DLC1: variants seen among roughly 807,000 people sequenced by gnomAD.
The protein encoded by DLC1 is rho GTPase-activating protein 7.
DLC1 carries 54 observed loss-of-function variants against 140.3 expected under a neutral mutation model. That is an observed-to-expected ratio of 0.38 (90% CI 0.31 to 0.48). DLC1 has a LOEUF of 0.48. DLC1 is among the 20% of genes least tolerant of loss of function. The pLI is 0.96. For synonymous variants in DLC1, 986 were observed against 728.1 expected, an observed-to-expected ratio of 1.35 and a Z score of -5.70; for missense variants, 2,536 against 1,907.0, an observed-to-expected ratio of 1.33 and a Z score of -6.14.
intron 4 of DLC1, among the ~76,000 whole-genome samples, chr8:13,364,878 A>G (rs1835406230): frequency 6.6e-6 from 1 of 152,222 alleles, no homozygotes. Flanking sequence ...ATAAATTGCC[A>G]ACTAAGAAAC....
rs1311225252 is a variant in DLC1, at chr8:13,084,481, G to A, written c.*1330C>T. 1 of 152,306 alleles carries A rather than the reference G, an allele frequency of 6.6e-6. No individual in the cohort carries two copies. The highest frequency in any genetic ancestry group is 1.9e-4 in the East Asian group (1 of 5,176). 9.4% of individuals were successfully genotyped at this position (152,306 alleles called of 1,614,324 possible). On this transcript the variant is annotated 3_prime_UTR_variant, in exon 18 of 18. Coordinates refer to ENST00000276297, the MANE Select transcript of DLC1 (RefSeq NM_182643.3). ...AATCCTTACCATTACAGTAAAACCT[G>A]AATAAAGACCACCCTTCTAAAGGTT...
chr8:13,582,259 C>T (rs1004017192), intron 1 of DLC1, among the ~76,000 whole-genome samples: 1 of 152,172 alleles, frequency 6.6e-6, no homozygotes, highest in Non-Finnish European at 1.5e-5. Flanking sequence ...ATTTTGCATA[C>T]ACTCTCTTCA....
At position 13,453,517 on chromosome 8, in the gene DLC1, T is replaced by C. The variant is rs1054126994; in HGVS notation, c.1023+45532A>G. ...ATATATATATGTATATATATATACA[T>C]ATATATATATGTATATATATACATA... is the stretch of plus-strand genomic sequence containing the variant. On this transcript the variant is annotated intron_variant, in intron 2 of 17. Coordinates refer to ENST00000276297, the MANE Select transcript of DLC1 (RefSeq NM_182643.3). Among the ~76,000 whole-genome samples, 6 of 26,534 alleles carry C rather than the reference T, an allele frequency of 2.3e-4. 1 individual carries two copies. Among genetic ancestry groups the C allele is most frequent in the South Asian group, 1.2e-3 (1 of 812 alleles). 17.4% of individuals were successfully genotyped at this position (26,534 alleles called of 152,430 possible). A position where few individuals can be genotyped will look rare whatever the true frequency, so the allele number is the denominator to read the frequency against.
intron 2 of DLC1, among the ~76,000 whole-genome samples, chr8:13,475,941 G>A (rs577888513): frequency 7.2e-4 from 109 of 152,162 alleles, no homozygotes; most frequent in African/African-American, 2.3e-3. Context: ...CACATACTTG[G>A]GTCATTATTT....
At chr8:13,153,771 C>G (rs527430760) in intron 5 of DLC1, among the ~76,000 whole-genome samples, 9 of 151,804 alleles carry the variant, frequency 5.9e-5, no homozygotes, top group African/African-American at 1.9e-4. Flanking sequence ...GAGGTAGACA[C>G]AGAATGCCGA....
chr8:13,121,844 G>A (rs893383020), intron 5 of DLC1, among the ~76,000 whole-genome samples: 12 of 151,992 alleles, frequency 7.9e-5, no homozygotes, highest in African/African-American at 2.4e-4. Context: ...TGAACCACCC[G>A]TGCCTGGCCA....
intron 4 of DLC1, among the ~76,000 whole-genome samples, chr8:13,382,306 G>A (rs946198689): frequency 9.9e-5 from 15 of 151,728 alleles, no homozygotes; most frequent in Admixed American, 2.0e-4. Flanking sequence ...AGGAGATCGA[G>A]ACCATCCTGG....
intron 4 of DLC1, among the ~76,000 whole-genome samples, chr8:13,385,903 T>A (rs1836500970): frequency 6.6e-6 from 1 of 152,202 alleles, no homozygotes; most frequent in African/African-American, 2.4e-5. Flanking sequence ...ATTTAATATG[T>A]AATTAGAGCT....
chr8:13,120,851 G>C (rs1229832977), intron 5 of DLC1, among the ~76,000 whole-genome samples: 3 of 152,084 alleles, frequency 2.0e-5, no homozygotes, highest in Non-Finnish European at 2.9e-5. Context: ...ATGACGGGAT[G>C]ATCCTGTCTT....
At chr8:13,300,535 C>G (rs1832147001) in intron 5 of DLC1, among the ~76,000 whole-genome samples, 1 of 152,160 alleles carries the variant, frequency 6.6e-6, no homozygotes, top group African/African-American at 2.4e-5. Flanking sequence ...TTCTCGTCCT[C>G]TTCGTGGCTG....
In DLC1 at chr8:13,464,766, T is replaced by TATATATATA. The variant is rs1563370459; in HGVS notation, c.1023+34282_1023+34283insTATATATAT. ...TTAAATTATATATATATATATATAT[T>TATATATATA]TATATATATATATATATATATATAT... is the stretch of plus-strand genomic sequence containing the variant. On this transcript the variant is annotated intron_variant, in intron 2 of 17. Coordinates refer to ENST00000276297, the MANE Select transcript of DLC1 (RefSeq NM_182643.3). Among the ~76,000 whole-genome samples the TATATATATA allele has an allele frequency of 6.3e-3, 47 of 7,490 alleles. 1 individual carries two copies. Among genetic ancestry groups the TATATATATA allele is most frequent in the South Asian group, 0.011 (4 of 348 alleles). The allele number at this position is 7,490 out of a possible 152,430, so 4.9% of individuals were successfully genotyped here. A position where few individuals can be genotyped will look rare whatever the true frequency, so the allele number is the denominator to read the frequency against.
chr8:13,529,510 C>G (rs1803029346), intron 1 of DLC1, among the ~76,000 whole-genome samples: 1 of 152,058 alleles, frequency 6.6e-6, no homozygotes. Flanking sequence ...TTTGTATATC[C>G]TCTTAACACT....
intron 2 of DLC1, among the ~76,000 whole-genome samples, chr8:13,467,909 C>T (rs550994710): frequency 2.8e-4 from 43 of 152,162 alleles, no homozygotes; most frequent in African/African-American, 1.0e-3. Context: ...CTGGGATAAA[C>T]CCAATTTGGT....
chr8:13,280,300 A>G (rs1382866828), intron 5 of DLC1, among the ~76,000 whole-genome samples: 2 of 151,182 alleles, frequency 1.3e-5, no homozygotes, highest in Non-Finnish European at 3.0e-5. Context: ...AAAAAAAAAA[A>G]AAAAAAAAAA....
Position 13,147,531 on chromosome 8 carries a change from C to T in DLC1, c.1349-31874G>A, listed in dbSNP as rs75920237. On this transcript the variant is annotated intron_variant, in intron 5 of 17. Coordinates refer to ENST00000276297, the MANE Select transcript of DLC1 (RefSeq NM_182643.3). The stretch of plus-strand genomic sequence containing the variant: ...ATCTGCATATTTCACAGTTCTGGAG[C>T]GGGCAGGCACTCTTATCTGGAATTT... 2.4e-4 allele frequency among the ~76,000 whole-genome samples: 37 copies of T among 152,204 alleles called. No homozygotes were observed. In the East Asian group the frequency reaches 4.2e-3, roughly 17 times the overall value.
At chr8:13,087,403 A>G (rs1363017245) in intron 16 of DLC1, among the ~76,000 whole-genome samples, 1 of 152,238 alleles carries the variant, frequency 6.6e-6, no homozygotes, top group South Asian at 2.1e-4. Context: ...CATGTCCCCA[A>G]ATCAATCAAA....
chr8:13,506,518 C>A (rs927299966), intron 1 of DLC1, among the ~76,000 whole-genome samples: 1 of 147,758 alleles, frequency 6.8e-6, no homozygotes, highest in Non-Finnish European at 1.5e-5. Flanking sequence ...TCTCCACCTA[C>A]TGCTTTATAC....
chr8:13,165,759 A>G (rs1019776455), intron 5 of DLC1, among the ~76,000 whole-genome samples: 1 of 152,100 alleles, frequency 6.6e-6, no homozygotes, highest in Non-Finnish European at 1.5e-5. Flanking sequence ...ACCACACATG[A>G]GTGGCAATGA....
At chr8:13,352,906 A>G (rs1388645918) in intron 4 of DLC1, among the ~76,000 whole-genome samples, 2 of 152,164 alleles carry the variant, frequency 1.3e-5, no homozygotes, top group Non-Finnish European at 2.9e-5. Flanking sequence ...TTCTGTGGAG[A>G]GGATAAACAA....
Sources: gnomAD v4.1 joint callset for allele counts (sites outside exome capture counted in the v4.1 genomes callset) on GRCh38, gnomAD v4.1.1 for gene constraint, MANE v1.5 for transcripts, NCBI Gene and HGNC (gene_info 2026-07-23, HGNC 2026-07-21) for gene names.